The following LCN15 variants were observed in gnomAD, a reference collection of about 807,000 sequenced individuals.
LCN15 encodes lipocalin-15.
LCN15 carries 26 observed loss-of-function variants against 23.1 expected under a neutral mutation model. That is an observed-to-expected ratio of 1.13 (90% CI 0.82 to 1.56). The LOEUF (loss-of-function observed/expected upper bound fraction) is 1.56. LCN15 is among the 40% of genes most tolerant of loss of function. The pLI, the probability that LCN15 is intolerant of heterozygous loss-of-function variation, is 0.00. For missense variants in LCN15, 241 were observed against 239.5 expected, an observed-to-expected ratio of 1.01 and a Z score of -0.04; for synonymous variants, 107 against 98.3, an observed-to-expected ratio of 1.09 and a Z score of -0.52.
intron 5 of LCN15, 83 bp downstream of exon 5, chr9:136,762,105 G>T: frequency 1.1e-6 from 1 of 934,922 alleles, no homozygotes; most frequent in Non-Finnish European, 1.6e-6. Flanking sequence ...CACTGCCTGT[G>T]CTGTGAGGGG....
At chr9:136,763,662 C>T (rs1185338098) in intron 3 of LCN15, 51 bp downstream of exon 3, 2 of 1,594,692 alleles carry the variant, frequency 1.3e-6, no homozygotes, top group African/African-American at 1.3e-5. Context: ...CCACGTCACC[C>T]CCAGAGAAGC....
rs768112937 is a variant in LCN15, at chr9:136,763,802, C to T, written c.237-19G>A. 6.2e-7 allele frequency: 1 copy of T among 1,613,286 alleles called. No homozygotes were observed. The highest frequency in any genetic ancestry group is 1.3e-5 in the African/African-American group (1 of 74,912). On this transcript the variant is annotated intron_variant, in intron 2 of 6. Coordinates refer to ENST00000316144, the MANE Select transcript of LCN15 (RefSeq NM_203347.2). ...GTCCGCCCTGGGGGTGCACAGCCGGCTCACTCATGGCACCCAGCTACCTCA... is the reference window on the plus strand; with the variant it reads ...GTCCGCCCTGGGGGTGCACAGCCGGTTCACTCATGGCACCCAGCTACCTCA...
chr9:136,762,458 C>T (rs1055300724), intron 4 of LCN15, among the ~76,000 whole-genome samples, 169 bp from the exon 5 acceptor site: 1 of 152,176 alleles, frequency 6.6e-6, no homozygotes, highest in African/African-American at 2.4e-5. Context: ...CTTGGGGCCC[C>T]CTTCCCCAAT....
rs905431035 is a variant in LCN15 at position 136,761,797 on chromosome 9, C to T, written c.*22G>A. ...GCCTGGAGAACCCACCTGGGAAGGG[C>T]GGGGGTGGGGCTCCGGAGGTGTCAG... On this transcript the variant is annotated 3_prime_UTR_variant, in exon 6 of 7. Coordinates refer to ENST00000316144, the MANE Select transcript of LCN15 (RefSeq NM_203347.2). The surrounding 1 kb of genome is among the most constrained non-coding windows in gnomAD (Gnocchi z 4.2). 24 of 1,247,982 alleles carry T rather than the reference C, an allele frequency of 1.9e-5. No homozygotes were observed. The South Asian group carries it at 2.1e-4, about 11-fold the overall frequency. The allele number at this position is 1,247,982 out of a possible 1,614,324, so 77.3% of individuals were successfully genotyped here.
chr9:136,760,645 G>C (rs549180586), intron 6 of LCN15, among the ~76,000 whole-genome samples: 4 of 152,226 alleles, frequency 2.6e-5, no homozygotes, highest in Admixed American at 2.0e-4. Flanking sequence ...TCTGGTTTAG[G>C]GGGGGATCTC....
At chr9:136,762,922 TA>T (rs564732610) in intron 4 of LCN15, among the ~76,000 whole-genome samples, 43 of 104,864 alleles carry the variant, frequency 4.1e-4, no homozygotes, top group African/African-American at 9.4e-4. Flanking sequence ...GACTCCATAT[TA>T]AAAAAAAAAA....
rs564732610 is a variant in LCN15 at position 136,762,922 on chromosome 9, T to TAAAAA, written c.418+430_418+434dup. Among the ~76,000 whole-genome samples the TAAAAA allele has an allele frequency of 4.8e-3, 500 of 104,820 alleles. 8 individuals are homozygous for TAAAAA. The highest frequency in any genetic ancestry group is 0.019 in the African/African-American group (480 of 25,520). The allele number at this position is 104,820 out of a possible 152,430, so 68.8% of individuals were successfully genotyped here. A position where few individuals can be genotyped will look rare whatever the true frequency, so the allele number is the denominator to read the frequency against. Reference sequence around the variant, plus strand: ...TGGGCGACAGAGTGAGACTCCATATTAAAAAAAAAAAAAAAAAAGAACCTC... The same window carrying TAAAAA: ...TGGGCGACAGAGTGAGACTCCATATTAAAAAAAAAAAAAAAAAAAAAAAGAACCTC... On this transcript the variant is annotated intron_variant, in intron 4 of 6. Transcript: ENST00000316144.
chr9:136,764,334 G>A (rs1332468674), intron 1 of LCN15, 59 bp downstream of exon 1: 33 of 1,500,108 alleles, frequency 2.2e-5, no homozygotes, highest in Middle Eastern at 1.7e-4. Flanking sequence ...CAATTATCAC[G>A]TTGTCTCTGG....
intron 4 of LCN15, among the ~76,000 whole-genome samples, 171 bp downstream of exon 4, chr9:136,763,186 A>G (rs1267447299): frequency 1.4e-5 from 2 of 143,122 alleles, no homozygotes; most frequent in Non-Finnish European, 3.0e-5. Flanking sequence ...CCCGGGGATG[A>G]GGAGGCGGAG....
chr9:136,763,641 G>A, intron 3 of LCN15, 72 bp downstream of exon 3: 1 of 1,545,326 alleles, frequency 6.5e-7, no homozygotes, highest in Non-Finnish European at 8.8e-7. Flanking sequence ...GGCCCGGGTG[G>A]AAAGTCAGCC....
Position 136,763,909 on chromosome 9 carries a change from G to C in LCN15, c.197C>G (p.Thr66Arg). 6.2e-7 allele frequency: 1 copy of C among 1,613,686 alleles called. No individual in the cohort carries two copies. Among genetic ancestry groups the C allele is most frequent in the South Asian group, 1.1e-5 (1 of 91,086 alleles). Residue 66 changes from threonine (T) to arginine (R), a missense_variant, in exon 2 of 7, where the codon ACA becomes AGA. Thr to Arg is a moderately conservative substitution (Grantham distance 71). Coordinates refer to ENST00000316144, the MANE Select transcript of LCN15 (RefSeq NM_203347.2). ...LSMSTRAIRP[T>R]EEGGLHVHME... ...GTGGACGTGGAGGCCGCCCTCCTCT[G>C]TGGGCCTGATGGCCCTGGTGGACAT... is the stretch of plus-strand genomic sequence containing the variant.
In LCN15 at chr9:136,762,216, C is replaced by T. The variant is rs765273930; in HGVS notation, c.492G>A (p.Lys164=). 13 of 1,597,960 alleles carry T rather than the reference C, an allele frequency of 8.1e-6. No individual in the cohort carries two copies. The Admixed American group carries it at 2.2e-4, about 27-fold the overall frequency. The part of the protein sequence containing the change: ...QDFYPTLGLP[K]DMMVMLPQSD... ...ACTGGGGCAGCATGACCATCATGTC[C>T]TTGGGGAGCCCCAGGGTCGGGTAGA... is the stretch of plus-strand genomic sequence containing the variant. Residue 164 remains lysine, a synonymous_variant, in exon 5 of 7, where the codon AAG becomes AAA. Coordinates refer to ENST00000316144, the MANE Select transcript of LCN15 (RefSeq NM_203347.2).
At chr9:136,760,533 T>C (rs183168619) in intron 6 of LCN15, among the ~76,000 whole-genome samples, 60 of 151,752 alleles carry the variant, frequency 4.0e-4, no homozygotes, top group Admixed American at 1.4e-3. Context: ...AGGGCCAGTG[T>C]CCCTCCAGAC....
At chr9:136,763,125 T>C (rs1424259848) in intron 4 of LCN15, among the ~76,000 whole-genome samples, 2 of 149,830 alleles carry the variant, frequency 1.3e-5, no homozygotes, top group East Asian at 2.0e-4. Context: ...CAGGAGTGTG[T>C]GCGAAGGGTC....
At position 136,764,433 on chromosome 9, in the gene LCN15, T is replaced by G; in HGVS notation, c.56A>C (p.Gln19Pro). 1 of 1,613,304 alleles carries G rather than the reference T, an allele frequency of 6.2e-7. No individual in the cohort carries two copies. The highest frequency in any genetic ancestry group is 8.5e-7 in the Non-Finnish European group (1 of 1,179,792). The stretch of plus-strand genomic sequence containing the variant: ...GTCAGGCTGCAGCAGAACCTCAGCC[T>G]GAGCCGTGGGCGCCCAGAGCAGGGT... The part of the protein sequence containing the change: ...ILTLLWAPTA[Q>P]AEVLLQPDFN... The change falls in exon 1 of 7, where the codon CAG becomes CCG. Residue 19 changes from glutamine (Q) to proline (P), a missense_variant. By Grantham distance (76) the Gln-to-Pro change is moderately conservative. Transcript: ENST00000316144.
chr9:136,760,812 G>A (rs1041226307), intron 6 of LCN15, among the ~76,000 whole-genome samples: 1 of 152,240 alleles, frequency 6.6e-6, no homozygotes, highest in Non-Finnish European at 1.5e-5. Flanking sequence ...GATACAGCGG[G>A]GACACAGAGC....
intron 4 of LCN15, 22 bp from the exon 5 acceptor site, chr9:136,762,311 G>C (rs766575187): frequency 7.1e-7 from 1 of 1,405,544 alleles, no homozygotes; most frequent in South Asian, 1.2e-5. Flanking sequence ...AGAGGTCACT[G>C]TGAACTCAGC....
At chr9:136,762,569 A>G (rs1206213792) in intron 4 of LCN15, among the ~76,000 whole-genome samples, 1 of 151,682 alleles carries the variant, frequency 6.6e-6, no homozygotes, top group Non-Finnish European at 1.5e-5. Flanking sequence ...CTCCAGCCTC[A>G]CTCTGTCGGC....
At chr9:136,762,922 T>TAAAAAAAA (rs564732610) in intron 4 of LCN15, among the ~76,000 whole-genome samples, 5 of 104,888 alleles carry the variant, frequency 4.8e-5, no homozygotes, top group African/African-American at 1.6e-4. Flanking sequence ...GACTCCATAT[T>TAAAAAAAA]AAAAAAAAAA....
Sources: allele counts gnomAD v4.1 joint callset (sites outside exome capture counted in the v4.1 genomes callset), GRCh38; gene constraint gnomAD v4.1.1; non-coding constraint Gnocchi (gnomAD v3.1); transcripts MANE v1.5; gene names NCBI Gene and HGNC (gene_info 2026-07-23, HGNC 2026-07-21).